The following PIGG variants were observed in gnomAD, a reference collection of about 807,000 sequenced individuals.
PIGG encodes the protein GPI ethanolamine phosphate transferase 2, catalytic subunit.
PIGG carries 70 observed loss-of-function variants against 83.2 expected under a neutral mutation model. The observed-to-expected ratio is 0.84, with a 90% CI of 0.69 to 1.03. The LOEUF (loss-of-function observed/expected upper bound fraction) is 1.03. PIGG is among the 50% of genes least tolerant of loss of function. The pLI, the probability that PIGG is intolerant of heterozygous loss-of-function variation, is 0.00. For synonymous variants in PIGG, 532 were observed against 519.5 expected, an observed-to-expected ratio of 1.02 and a Z score of -0.33; for missense variants, 1,257 against 1,233.6, an observed-to-expected ratio of 1.02 and a Z score of -0.28.
At chr4:500,175 A>AT (rs1233839479) in intron 1 of PIGG, 1 of 573,528 alleles carries the variant, frequency 1.7e-6, no homozygotes, top group Non-Finnish European at 3.1e-6. Flanking sequence ...ACTGAGGATA[A>AT]TTCACTGCTT....
chr4:527,991 G>A lies in PIGG; in HGVS notation c.2261+761G>A, dbSNP rs966071638. The A allele has an allele frequency of 5.1e-6, 5 of 985,318 alleles. No individual in the cohort carries two copies. In the African/African-American group the frequency reaches 8.7e-5, roughly 17 times the overall value. 61.0% of individuals were successfully genotyped at this position (985,318 alleles called of 1,614,324 possible). A position where few individuals can be genotyped will look rare whatever the true frequency, so the allele number is the denominator to read the frequency against. ...TGTCCACTGAAGTGTCCTTCACAAA[G>A]TGTCCTTGCAAAAAGGAACAACCAG... On this transcript the variant is annotated intron_variant, in intron 10 of 12. Coordinates refer to ENST00000453061, the MANE Select transcript of PIGG (RefSeq NM_001127178.3).
chr4:521,562 T>C (rs996914095), intron 7 of PIGG, 98 bp from the exon 8 acceptor site: 11 of 1,149,628 alleles, frequency 9.6e-6, no homozygotes, highest in Admixed American at 2.5e-5. Flanking sequence ...CTGTTTTTAC[T>C]GTGTGGACAG....
intron 3 of PIGG, chr4:506,732 A>G (rs1304621537): frequency 1.5e-5 from 7 of 455,648 alleles, no homozygotes; most frequent in Non-Finnish European, 2.6e-5. Context: ...TCAACTGCTC[A>G]TCTCTCCTCC....
intron 6 of PIGG, among the ~76,000 whole-genome samples, chr4:520,480 G>GCTCCT (rs56824776): frequency 0.19 from 29,049 of 152,000 alleles, 3,535 homozygotes; most frequent in African/African-American, 0.35. Context: ...AGGGCTGGAA[G>GCTCCT]CTCTCTTTCC....
At chr4:503,603 T>C (rs1162250815) in intron 2 of PIGG, among the ~76,000 whole-genome samples, 4 of 152,174 alleles carry the variant, frequency 2.6e-5, no homozygotes, top group African/African-American at 9.7e-5. Context: ...TCAGCTCAAG[T>C]GGCACTTCCA....
chr4:534,907 G>A (rs951712568), intron 12 of PIGG, among the ~76,000 whole-genome samples: 27 of 152,026 alleles, frequency 1.8e-4, no homozygotes, highest in Admixed American at 6.5e-4. Context: ...CCACATGCCC[G>A]TCTCCTGGCG....
At chr4:522,740 C>T (rs1008930686) in intron 8 of PIGG, 4 of 154,032 alleles carry the variant, frequency 2.6e-5, no homozygotes, top group African/African-American at 9.6e-5. Flanking sequence ...GCTTGCACCT[C>T]GGGCCCATCT....
intron 10 of PIGG, chr4:527,591 G>A: frequency 9.9e-7 from 1 of 1,014,986 alleles, no homozygotes; most frequent in African/African-American, 1.7e-5. Flanking sequence ...GATGGCCAGG[G>A]TTCTGTTTTC....
At chr4:536,884 C>G (rs779852270) in intron 12 of PIGG, 5 of 152,298 alleles carry the variant, frequency 3.3e-5, no homozygotes, top group Non-Finnish European at 7.3e-5. Context: ...GAAGTACTTG[C>G]CCGGCTCCTC....
Position 523,653 on chromosome 4 carries a change from T to G in PIGG, c.1809T>G (p.Gly603=). ...TYRNYFLGDD[G]EPPCGLCVEQ... ...GAAACTACTTTCTGGGAGATGACGG[T>G]GAGCCTCCGTGTGGCCTCTGTGTGG... The change falls in exon 9 of 13, where the codon GGT becomes GGG. Residue 603 remains glycine, a synonymous_variant. Transcript: ENST00000453061. The G allele has an allele frequency of 6.2e-7, 1 of 1,614,208 alleles. No homozygotes were observed. The highest frequency in any genetic ancestry group is 1.6e-4 in the Middle Eastern group (1 of 6,062).
At chr4:501,411 A>G (rs1717683777) in intron 2 of PIGG, among the ~76,000 whole-genome samples, 1 of 152,254 alleles carries the variant, frequency 6.6e-6, no homozygotes. Flanking sequence ...AGGAAATTGC[A>G]TTTAAACTGA....
chr4:537,437 G>C (rs1730940390), intron 12 of PIGG: 1 of 152,276 alleles, frequency 6.6e-6, no homozygotes, highest in Non-Finnish European at 1.5e-5. Flanking sequence ...CCCATGCGCT[G>C]TCTGGGTAGG....
chr4:521,302 G>C (rs771821637), intron 7 of PIGG, 29 bp downstream of exon 7: 1 of 1,483,100 alleles, frequency 6.7e-7, no homozygotes, highest in East Asian at 2.3e-5. Flanking sequence ...TCATGGCTCA[G>C]GTGTTGCATT....
At chr4:531,004 A>C in intron 11 of PIGG, 1 of 472,866 alleles carries the variant, frequency 2.1e-6, no homozygotes, top group Non-Finnish European at 3.7e-6. Flanking sequence ...TATTACAAGC[A>C]GTTCAGGAAG....
intron 9 of PIGG, chr4:525,131 C>T: frequency 1.1e-6 from 1 of 948,966 alleles, no homozygotes; most frequent in Non-Finnish European, 1.3e-6. Context: ...AAGCTCCTTT[C>T]TCCTCCCCAT....
chr4:530,426 T>C lies in PIGG; in HGVS notation c.2262-10T>C. 6.3e-7 allele frequency: 1 copy of C among 1,597,662 alleles called. No homozygotes were observed. Among genetic ancestry groups the C allele is most frequent in the Non-Finnish European group, 8.6e-7 (1 of 1,167,934 alleles). ...TGCTAATGAATCTAACTTGTTTTGC[T>C]CTTTTTTAGGGGTATTATTGAAGCT... On this transcript the variant is annotated splice_polypyrimidine_tract_variant and intron_variant, in intron 10 of 12. Coordinates refer to ENST00000453061, the MANE Select transcript of PIGG (RefSeq NM_001127178.3).
intron 6 of PIGG, among the ~76,000 whole-genome samples, chr4:517,987 A>G (rs1460482959): frequency 6.6e-6 from 1 of 152,158 alleles, no homozygotes; most frequent in East Asian, 1.9e-4. Context: ...TACTATTACT[A>G]CCAAATAGAG....
intron 7 of PIGG, 81 bp from the exon 8 acceptor site, chr4:521,579 C>G (rs751172205): frequency 6.7e-6 from 9 of 1,340,176 alleles, no homozygotes; most frequent in Non-Finnish European, 7.3e-6. Context: ...ACAGCTGACA[C>G]GAGAGCGGGA....
At chr4:535,289 T>A (rs1333068239) in intron 12 of PIGG, among the ~76,000 whole-genome samples, 1 of 144,460 alleles carries the variant, frequency 6.9e-6, no homozygotes, top group Non-Finnish European at 1.5e-5. Context: ...CTTGGAAGCG[T>A]TCACAGCCTT....
Sources: gnomAD v4.1 joint callset for allele counts (sites outside exome capture counted in the v4.1 genomes callset) on GRCh38, gnomAD v4.1.1 for gene constraint, MANE v1.5 for transcripts, NCBI Gene and HGNC (gene_info 2026-07-23, HGNC 2026-07-21) for gene names.